Variants in DNMBP observed in about 807,000 individuals in gnomAD.
DNMBP encodes the protein dynamin-binding protein.
A neutral mutation model predicts 150.0 loss-of-function variants in DNMBP; 87 were observed. The ratio of observed to expected loss-of-function variants is 0.58; its 90% CI spans 0.49 to 0.69. The LOEUF (loss-of-function observed/expected upper bound fraction) is 0.69. Among genes scored for constraint, DNMBP ranks in the 30% least tolerant of loss-of-function variants. The pLI is 0.00. For synonymous variants in DNMBP, 711 were observed against 750.4 expected (o/e 0.95, Z 0.86); for missense variants, 1,774 against 1,949.0 (o/e 0.91, Z 1.69).
At chr10:99,994,780 A>T (rs1419989402) in intron 1 of DNMBP, among the ~76,000 whole-genome samples, 6 of 152,350 alleles carry the variant, frequency 3.9e-5, no homozygotes, top group African/African-American at 1.4e-4. Context: ...CATTACTGTT[A>T]AATCCTTTAA....
At chr10:99,970,539 A>C (rs2133352853) in intron 2 of DNMBP, among the ~76,000 whole-genome samples, 1 of 152,300 alleles carries the variant, frequency 6.6e-6, no homozygotes, top group Non-Finnish European at 1.5e-5. Flanking sequence ...TTTGAAGAAA[A>C]TGAAAGAAAG....
intron 6 of DNMBP, among the ~76,000 whole-genome samples, chr10:99,907,134 C>G (rs1475767695): frequency 6.6e-6 from 1 of 151,412 alleles, no homozygotes; most frequent in Non-Finnish European, 1.5e-5. Flanking sequence ...ACAGCCTGGG[C>G]AACATGGCAA....
intron 1 of DNMBP, among the ~76,000 whole-genome samples, chr10:99,986,404 C>T (rs1022942487): frequency 3.9e-4 from 59 of 151,772 alleles, no homozygotes; most frequent in African/African-American, 1.3e-3. Flanking sequence ...TGGTAAAGGA[C>T]GGCTGCCCTT....
chr10:100,002,975 C>T (rs991862200), intron 1 of DNMBP, among the ~76,000 whole-genome samples: 3 of 152,036 alleles, frequency 2.0e-5, no homozygotes, highest in African/African-American at 7.2e-5. Context: ...CAAAGATGCC[C>T]GTTAGTGTAG....
intron 15 of DNMBP, 48 bp from the exon 16 acceptor site, chr10:99,880,409 G>A (rs1564712827): frequency 2.0e-6 from 3 of 1,487,910 alleles, no homozygotes; most frequent in South Asian, 2.7e-5. Flanking sequence ...GCAGAAGGCT[G>A]GACAGACAGA....
chr10:99,930,358 C>T lies in DNMBP; in HGVS notation c.2261-21212G>A, dbSNP rs771706131. The T allele has an allele frequency of 9.0e-5, 63 of 702,832 alleles. No homozygotes were observed. The African/African-American group carries it at 1.0e-3, about 12-fold the overall frequency. 43.5% of individuals were successfully genotyped at this position (702,832 alleles called of 1,614,324 possible). On this transcript the variant is annotated intron_variant, in intron 4 of 16. Transcript: ENST00000324109. ...TTCTTACAGTCTGAGTAGCCATTTG[C>T]CTCCCCGTATCCACCAGCTTTCGAG...
At chr10:99,947,284 A>G (rs1196547670) in intron 4 of DNMBP, among the ~76,000 whole-genome samples, 2 of 152,176 alleles carry the variant, frequency 1.3e-5, no homozygotes, top group East Asian at 3.8e-4. Flanking sequence ...AGCACTATTC[A>G]CTACAGCAAA....
chr10:99,922,039 C>T (rs754504855), intron 4 of DNMBP, among the ~76,000 whole-genome samples: 12 of 152,016 alleles, frequency 7.9e-5, no homozygotes, highest in African/African-American at 1.7e-4. Flanking sequence ...ACTGTGGAAC[C>T]AGGTCTGCTG....
chr10:99,948,534 A>G (rs186113516), intron 4 of DNMBP, among the ~76,000 whole-genome samples: 45 of 152,346 alleles, frequency 3.0e-4, no homozygotes, highest in African/African-American at 1.1e-3. Flanking sequence ...GCACACAGTA[A>G]GATAATCAGA....
At chr10:99,879,711 C>G in intron 16 of DNMBP, 100 bp downstream of exon 16, 1 of 1,549,950 alleles carries the variant, frequency 6.5e-7, no homozygotes, top group Non-Finnish European at 8.7e-7. Context: ...CTCAGATCAC[C>G]CCTAGGCCTC....
At chr10:99,902,616 C>CT (rs1230285852) in intron 6 of DNMBP, among the ~76,000 whole-genome samples, 2 of 112,304 alleles carry the variant, frequency 1.8e-5, no homozygotes, top group East Asian at 2.2e-4. Context: ...GGCTGCCTCC[C>CT]TTTAAAAAAA....
At chr10:99,903,800 T>C (rs552093283) in intron 6 of DNMBP, among the ~76,000 whole-genome samples, 1 of 152,342 alleles carries the variant, frequency 6.6e-6, no homozygotes, top group African/African-American at 2.4e-5. Context: ...ACTTCCCTGA[T>C]AGTCACTGTT....
chr10:99,878,309 A>G (rs1412901001), intron 16 of DNMBP, among the ~76,000 whole-genome samples: 1 of 152,220 alleles, frequency 6.6e-6, no homozygotes, highest in East Asian at 1.9e-4. Flanking sequence ...AGGAGAAGCC[A>G]TGAGGCCCAT....
At chr10:99,957,700 G>T in intron 3 of DNMBP, 1 of 164,836 alleles carries the variant, frequency 6.1e-6, no homozygotes, top group Non-Finnish European at 1.3e-5. Flanking sequence ...GCTGTGCACT[G>T]TGGCTCATGC....
At chr10:99,982,496 T>C (rs1400378382) in intron 1 of DNMBP, among the ~76,000 whole-genome samples, 1 of 151,830 alleles carries the variant, frequency 6.6e-6, no homozygotes, top group Non-Finnish European at 1.5e-5. Context: ...TTGAGCAAAG[T>C]ATATGGAAAA....
chr10:99,898,998 G>T (rs897153346), intron 7 of DNMBP, among the ~76,000 whole-genome samples: 1 of 149,450 alleles, frequency 6.7e-6, no homozygotes. Context: ...TTCAAGACCT[G>T]CCTGGCCAAC....
intron 1 of DNMBP, among the ~76,000 whole-genome samples, chr10:99,984,329 T>C (rs1716192115): frequency 6.6e-6 from 1 of 152,182 alleles, no homozygotes. Context: ...ATCTCAATTA[T>C]GGGTGGAAAT....
chr10:99,978,634 A>G (rs2133362874), intron 1 of DNMBP, among the ~76,000 whole-genome samples: 1 of 152,224 alleles, frequency 6.6e-6, no homozygotes, highest in East Asian at 1.9e-4. Flanking sequence ...GCTACAGTGC[A>G]GTGGCGTGAT....
At chr10:99,962,812 T>G (rs1246769266) in intron 3 of DNMBP, among the ~76,000 whole-genome samples, 1 of 152,228 alleles carries the variant, frequency 6.6e-6, no homozygotes, top group African/African-American at 2.4e-5. Flanking sequence ...TGAAATCAAC[T>G]GGCTTTCTTA....
Sources: allele counts gnomAD v4.1 joint callset (sites outside exome capture counted in the v4.1 genomes callset), GRCh38; gene constraint gnomAD v4.1.1; transcripts MANE v1.5; gene names NCBI Gene and HGNC (gene_info 2026-07-23, HGNC 2026-07-21).